Variants in ARMH3 observed in about 807,000 individuals in gnomAD.
The protein encoded by ARMH3 is armadillo-like helical domain-containing protein 3.
A neutral mutation model predicts 99.1 loss-of-function variants in ARMH3; 60 were observed. That is an observed-to-expected ratio of 0.61 (90% CI 0.49 to 0.75). The LOEUF (loss-of-function observed/expected upper bound fraction) is 0.75, where lower values mean the gene tolerates loss of function less well. ARMH3 is among the 30% of genes least tolerant of loss of function. The pLI, the probability that ARMH3 is intolerant of heterozygous loss-of-function variation, is 0.00. For missense variants in ARMH3, 679 were observed against 843.1 expected, an observed-to-expected ratio of 0.81 and a Z score of 2.41; for synonymous variants, 285 against 292.8, an observed-to-expected ratio of 0.97 and a Z score of 0.27.
intron 20 of ARMH3, among the ~76,000 whole-genome samples, chr10:101,965,811 T>C (rs1273112611): frequency 6.6e-6 from 1 of 152,224 alleles, no homozygotes; most frequent in Non-Finnish European, 1.5e-5. Context: ...GAACTCCAAA[T>C]TGGCTACAAC....
chr10:102,014,587 A>C (rs2066702584), intron 8 of ARMH3, among the ~76,000 whole-genome samples: 2 of 152,170 alleles, frequency 1.3e-5, no homozygotes, highest in Non-Finnish European at 2.9e-5. Flanking sequence ...ACAGCCAGAG[A>C]GGTCATTTAT....
chr10:101,969,995 T>C (rs1360793820), intron 20 of ARMH3, among the ~76,000 whole-genome samples: 1 of 152,202 alleles, frequency 6.6e-6, no homozygotes, highest in African/African-American at 2.4e-5. Flanking sequence ...AATGTCAGTA[T>C]AAATCTGCCT....
intron 20 of ARMH3, among the ~76,000 whole-genome samples, chr10:101,959,599 T>C (rs928456893): frequency 1.3e-5 from 2 of 151,980 alleles, no homozygotes; most frequent in South Asian, 2.1e-4. Context: ...GTGGGAGCAA[T>C]GATTTATTGC....
intron 19 of ARMH3, 68 bp from the exon 20 acceptor site, chr10:101,975,368 C>A: frequency 8.0e-7 from 1 of 1,246,544 alleles, no homozygotes; most frequent in Admixed American, 1.7e-5. Context: ...GAGATCCCTT[C>A]TTAGTGAGCC....
chr10:101,851,230 G>GA (rs909667317), intron 24 of ARMH3, among the ~76,000 whole-genome samples: 1 of 152,192 alleles, frequency 6.6e-6, no homozygotes, highest in Non-Finnish European at 1.5e-5. Context: ...TGTGGTTACA[G>GA]AAAGAAGGGA....
At chr10:101,873,247 C>CA (rs759511606) in intron 24 of ARMH3, among the ~76,000 whole-genome samples, 1,569 of 121,786 alleles carry the variant, frequency 0.013, 22 homozygotes, top group African/African-American at 0.034. Flanking sequence ...ACTAAAAATA[C>CA]AAAAAAAAAA....
intron 23 of ARMH3, among the ~76,000 whole-genome samples, chr10:101,933,671 C>G (rs1747846539): frequency 6.6e-6 from 1 of 152,052 alleles, no homozygotes; most frequent in Non-Finnish European, 1.5e-5. Flanking sequence ...TTCATTTTCT[C>G]TAATGGGAGA....
intron 20 of ARMH3, among the ~76,000 whole-genome samples, chr10:101,960,102 C>G (rs775625643): frequency 3.5e-4 from 53 of 151,940 alleles, no homozygotes; most frequent in Admixed American, 1.8e-3. Flanking sequence ...TGCTTAAACC[C>G]GGGAGGCGGA....
intron 23 of ARMH3, among the ~76,000 whole-genome samples, chr10:101,932,689 T>C (rs547591104): frequency 1.3e-5 from 2 of 152,354 alleles, no homozygotes; most frequent in African/African-American, 4.8e-5. Flanking sequence ...ATTCCTCTTA[T>C]ATAAAGTTCC....
intron 23 of ARMH3, among the ~76,000 whole-genome samples, chr10:101,896,290 GAGA>G (rs1186031971): frequency 1.3e-5 from 2 of 152,190 alleles, no homozygotes; most frequent in Non-Finnish European, 2.9e-5. Flanking sequence ...CAAGGATGTG[GAGA>G]AGAACTCTCA....
At chr10:102,033,948 G>A (rs1564870274) in intron 2 of ARMH3, among the ~76,000 whole-genome samples, 2 of 152,162 alleles carry the variant, frequency 1.3e-5, no homozygotes, top group African/African-American at 4.8e-5. Flanking sequence ...ATCACAACAT[G>A]CCTCCCGTGC....
intron 23 of ARMH3, among the ~76,000 whole-genome samples, chr10:101,913,913 T>C (rs79860844): frequency 1.4e-3 from 219 of 152,266 alleles, no homozygotes; most frequent in African/African-American, 5.1e-3. Flanking sequence ...ACATTCTAAC[T>C]CGGGTACAGC....
intron 2 of ARMH3, among the ~76,000 whole-genome samples, chr10:102,034,094 G>A (rs1250648476): frequency 1.3e-5 from 2 of 152,174 alleles, no homozygotes; most frequent in African/African-American, 2.4e-5. Flanking sequence ...ACAAGTTCAG[G>A]AGCCAGAATT....
At chr10:101,924,251 C>A (rs1246650512) in intron 23 of ARMH3, among the ~76,000 whole-genome samples, 2 of 151,916 alleles carry the variant, frequency 1.3e-5, no homozygotes, top group Admixed American at 1.3e-4. Context: ...AAGAAAAAAG[C>A]GAACTGTAGA....
At chr10:101,879,487 T>A (rs893984863) in intron 24 of ARMH3, among the ~76,000 whole-genome samples, 8 of 151,984 alleles carry the variant, frequency 5.3e-5, no homozygotes, top group Non-Finnish European at 1.2e-4. Flanking sequence ...GTAGCTGGGA[T>A]TACAGGTGCC....
chr10:101,937,216 A>G (rs1377574617), intron 23 of ARMH3, among the ~76,000 whole-genome samples: 5 of 152,292 alleles, frequency 3.3e-5, no homozygotes, highest in South Asian at 2.1e-4. Context: ...CTGAACTTGG[A>G]CTTAGAAGAC....
chr10:101,997,093 C>T (rs1009441284), intron 15 of ARMH3, among the ~76,000 whole-genome samples: 1 of 151,956 alleles, frequency 6.6e-6, no homozygotes, highest in Non-Finnish European at 1.5e-5. Context: ...GGTGAAACCC[C>T]TTCTCTACTA....
At position 101,852,855 on chromosome 10, in the gene ARMH3, G is replaced by A. The variant is rs548408043; in HGVS notation, c.1861-2963C>T. The stretch of plus-strand genomic sequence containing the variant: ...CTCTCCTCTTGTCCAGACACTGCCC[G>A]TTGCCACCTCCCCCTTCCGTGGCCC... On this transcript the variant is annotated intron_variant, in intron 24 of 25. Coordinates refer to ENST00000370033, the MANE Select transcript of ARMH3 (RefSeq NM_024541.3). Among the ~76,000 whole-genome samples, 10 of 151,192 alleles carry A rather than the reference G, an allele frequency of 6.6e-5. No individual in the cohort carries two copies. The East Asian group carries it at 7.8e-4, about 12-fold the overall frequency.
intron 19 of ARMH3, among the ~76,000 whole-genome samples, chr10:101,979,665 C>T (rs974984726): frequency 3.9e-5 from 6 of 152,096 alleles, no homozygotes; most frequent in South Asian, 2.1e-4. Flanking sequence ...CTGTGGCCTA[C>T]GTTTTCCAAA....
Sources: gnomAD v4.1 joint callset for allele counts (sites outside exome capture counted in the v4.1 genomes callset) on GRCh38, gnomAD v4.1.1 for gene constraint, MANE v1.5 for transcripts, NCBI Gene and HGNC (gene_info 2026-07-23, HGNC 2026-07-21) for gene names.